KCNQ5: variants seen among roughly 807,000 people sequenced by gnomAD.
The protein encoded by KCNQ5 is potassium voltage-gated channel subfamily Q member 5.
KCNQ5 carries 30 observed loss-of-function variants against 98.2 expected under a neutral mutation model. The observed-to-expected ratio is 0.31, with a 90% CI of 0.23 to 0.41. The LOEUF is 0.41. Among genes scored for constraint, KCNQ5 ranks in the 10% least tolerant of loss-of-function variants. The probability of loss-of-function intolerance (pLI) is 1.00; values close to 1 mark genes in which losing one functional copy is unlikely to be tolerated. For missense variants in KCNQ5, 835 were observed against 1,182.5 expected, an observed-to-expected ratio of 0.71 and a Z score of 4.31; for synonymous variants, 458 against 449.4, an observed-to-expected ratio of 1.02 and a Z score of -0.24.
intron 1 of KCNQ5, among the ~76,000 whole-genome samples, chr6:72,741,244 G>A (rs76443554): frequency 1.3e-5 from 2 of 152,232 alleles, no homozygotes; most frequent in East Asian, 3.8e-4. Flanking sequence ...AGGTGTCAAA[G>A]TGTCACATCA....
chr6:73,071,426 T>C (rs1773294804), intron 3 of KCNQ5, among the ~76,000 whole-genome samples: 1 of 152,186 alleles, frequency 6.6e-6, no homozygotes, highest in African/African-American at 2.4e-5. Flanking sequence ...AAACCAAAAG[T>C]AACCTAAAAA....
intron 5 of KCNQ5, among the ~76,000 whole-genome samples, chr6:73,090,055 G>A (rs11964004): frequency 1.7e-4 from 25 of 151,316 alleles, no homozygotes; most frequent in East Asian, 9.8e-4. Context: ...CCTGTTCACC[G>A]CATCTCCACC....
chr6:73,121,585 A>T (rs533254634), intron 8 of KCNQ5, among the ~76,000 whole-genome samples: 1 of 152,258 alleles, frequency 6.6e-6, no homozygotes, highest in Admixed American at 6.5e-5. Context: ...TTTTCTTCAT[A>T]GCCCAACAAA....
intron 1 of KCNQ5, among the ~76,000 whole-genome samples, chr6:72,953,145 G>T (rs542037967): frequency 6.6e-6 from 1 of 152,118 alleles, no homozygotes; most frequent in Non-Finnish European, 1.5e-5. Flanking sequence ...AAACAGACTT[G>T]GTCCCTGCCC....
At chr6:72,939,722 G>C (rs375788566) in intron 1 of KCNQ5, among the ~76,000 whole-genome samples, 1 of 152,150 alleles carries the variant, frequency 6.6e-6, no homozygotes, top group Non-Finnish European at 1.5e-5. Flanking sequence ...CTTGATGCAA[G>C]CCTGCAAATC....
At chr6:73,101,270 C>T (rs1231723535) in intron 5 of KCNQ5, among the ~76,000 whole-genome samples, 1 of 152,136 alleles carries the variant, frequency 6.6e-6, no homozygotes, top group African/African-American at 2.4e-5. Context: ...TTCAACAACA[C>T]ATTAAAAAGA....
At chr6:72,871,620 A>G (rs1288616490) in intron 1 of KCNQ5, among the ~76,000 whole-genome samples, 2 of 152,228 alleles carry the variant, frequency 1.3e-5, no homozygotes, top group African/African-American at 4.8e-5. Flanking sequence ...TATACTTGTC[A>G]TATTAATCCA....
intron 1 of KCNQ5, among the ~76,000 whole-genome samples, chr6:72,807,357 T>G (rs1460858489): frequency 6.6e-6 from 1 of 152,226 alleles, no homozygotes; most frequent in East Asian, 1.9e-4. Flanking sequence ...TTGATTGATT[T>G]ATGCAATAAT....
At chr6:72,766,228 G>T (rs1471611260) in intron 1 of KCNQ5, among the ~76,000 whole-genome samples, 1 of 151,970 alleles carries the variant, frequency 6.6e-6, no homozygotes, top group Non-Finnish European at 1.5e-5. Context: ...TGTGCTTGAG[G>T]AGTTGGGATA....
At chr6:73,029,780 A>G (rs1412178569) in intron 2 of KCNQ5, among the ~76,000 whole-genome samples, 1 of 151,816 alleles carries the variant, frequency 6.6e-6, no homozygotes, top group Non-Finnish European at 1.5e-5. Flanking sequence ...AAAAATACAA[A>G]AAATTAGCTG....
intron 1 of KCNQ5, among the ~76,000 whole-genome samples, chr6:72,808,459 C>A (rs982872876): frequency 2.0e-5 from 3 of 152,110 alleles, no homozygotes; most frequent in African/African-American, 7.2e-5. Context: ...TACAAGGGTA[C>A]CCATTGTCAA....
intron 1 of KCNQ5, among the ~76,000 whole-genome samples, chr6:72,835,481 G>T (rs915749951): frequency 2.0e-5 from 3 of 152,082 alleles, no homozygotes. Flanking sequence ...GTGATTCTTA[G>T]ATCACAAAAT....
intron 1 of KCNQ5, among the ~76,000 whole-genome samples, chr6:72,821,711 G>A (rs916008252): frequency 2.0e-5 from 3 of 151,010 alleles, no homozygotes; most frequent in African/African-American, 7.3e-5. Context: ...TATCTCTTTT[G>A]CTTCTGCTTT....
At chr6:72,754,374 T>C (rs562007132) in intron 1 of KCNQ5, among the ~76,000 whole-genome samples, 48 of 152,306 alleles carry the variant, frequency 3.2e-4, no homozygotes, top group Admixed American at 1.4e-3. Context: ...ATGTATCATC[T>C]TTTTTGTGTT....
chr6:72,696,733 C>A (rs934569939), intron 1 of KCNQ5, among the ~76,000 whole-genome samples: 5 of 151,970 alleles, frequency 3.3e-5, no homozygotes, highest in Non-Finnish European at 4.4e-5. Flanking sequence ...TAGAGGCATA[C>A]TTGGATTTAT....
chr6:72,964,803 T>G (rs892403145), intron 1 of KCNQ5, among the ~76,000 whole-genome samples: 3 of 152,152 alleles, frequency 2.0e-5, no homozygotes, highest in Non-Finnish European at 4.4e-5. Flanking sequence ...CAAAAAAATT[T>G]TAGTCTCCCA....
intron 2 of KCNQ5, among the ~76,000 whole-genome samples, chr6:73,033,276 G>A (rs967714992): frequency 2.6e-5 from 4 of 152,076 alleles, no homozygotes; most frequent in Admixed American, 6.5e-5. Flanking sequence ...AAAACCAGCC[G>A]TGATCCTTCC....
At chr6:72,859,997 C>G (rs1166004666) in intron 1 of KCNQ5, among the ~76,000 whole-genome samples, 1 of 151,706 alleles carries the variant, frequency 6.6e-6, no homozygotes, top group Non-Finnish European at 1.5e-5. Flanking sequence ...TTTGTTGTCT[C>G]CATCCTCAAA....
intron 1 of KCNQ5, among the ~76,000 whole-genome samples, chr6:72,800,974 C>T (rs1467014720): frequency 1.3e-5 from 2 of 151,928 alleles, no homozygotes; most frequent in African/African-American, 2.4e-5. Flanking sequence ...AGTTTGATTG[C>T]ACTGTGGTCT....
Sources: allele counts gnomAD v4.1 joint callset (sites outside exome capture counted in the v4.1 genomes callset), GRCh38; gene constraint gnomAD v4.1.1; transcripts MANE v1.5; gene names NCBI Gene and HGNC (gene_info 2026-07-23, HGNC 2026-07-21).